The following MSH3 variants were observed in gnomAD, a reference collection of about 807,000 sequenced individuals.
MSH3 encodes mutS homolog 3.
MSH3 carries 106 observed loss-of-function variants against 123.3 expected under a neutral mutation model. The ratio of observed to expected loss-of-function variants is 0.86; its 90% confidence interval spans 0.73 to 1.01. The LOEUF (loss-of-function observed/expected upper bound fraction) is 1.01, where lower values mean the gene tolerates loss of function less well. MSH3 is among the 50% of genes least tolerant of loss of function. MSH3 has a pLI of 0.00. For missense variants in MSH3, 1,459 were observed against 1,347.6 expected (o/e 1.08, Z -1.29); for synonymous variants, 515 against 481.4 (o/e 1.07, Z -0.91).
chr5:80,723,422 G>C (rs892607988), intron 8 of MSH3, among the ~76,000 whole-genome samples: 2 of 152,144 alleles, frequency 1.3e-5, no homozygotes, highest in African/African-American at 2.4e-5. Flanking sequence ...GCTAATTGCT[G>C]CTTTGATCAT....
At chr5:80,738,855 G>A (rs753433704) in intron 10 of MSH3, among the ~76,000 whole-genome samples, 12 of 152,174 alleles carry the variant, frequency 7.9e-5, no homozygotes, top group East Asian at 1.9e-4. Context: ...AGGGCAGATC[G>A]TTTGTAAATG....
chr5:80,699,751 T>G (rs3958547), intron 8 of MSH3, among the ~76,000 whole-genome samples: 69,010 of 151,780 alleles, frequency 0.45, 15,783 homozygotes, highest in East Asian at 0.63. Flanking sequence ...TTTAAAAAAT[T>G]TTTTAATATC....
In MSH3 at chr5:80,718,386, G is replaced by A. The variant is rs149683122; in HGVS notation, c.1341-7067G>A. Among the ~76,000 whole-genome samples the A allele has an allele frequency of 3.8e-3, 581 of 152,234 alleles. 4 individuals are homozygous for A. The highest frequency in any genetic ancestry group is 0.013 in the African/African-American group (542 of 41,516). ...CCCCTTCTCAGCTCCCTGAGTAGCT[G>A]GGACTACAGGTGCATACCACTGTGT... On this transcript the variant is annotated intron_variant, in intron 8 of 23. Transcript: ENST00000265081.
At chr5:80,709,450 G>A (rs985936982) in intron 8 of MSH3, among the ~76,000 whole-genome samples, 3 of 152,062 alleles carry the variant, frequency 2.0e-5, no homozygotes, top group Non-Finnish European at 2.9e-5. Context: ...GTGAAACTCC[G>A]TCTCTACTAA....
intron 10 of MSH3, among the ~76,000 whole-genome samples, chr5:80,740,935 C>G (rs551359400): frequency 1.3e-5 from 2 of 152,002 alleles, no homozygotes; most frequent in African/African-American, 4.8e-5. Context: ...AGGCTGGTTT[C>G]GAACTCCTCA....
chr5:80,806,631 T>A (rs188543259), intron 19 of MSH3, among the ~76,000 whole-genome samples: 391 of 152,318 alleles, frequency 2.6e-3, no homozygotes, highest in Non-Finnish European at 4.1e-3. Flanking sequence ...TATAGCATTA[T>A]AATAACTTTT....
chr5:80,742,617 A>G (rs3797885), intron 11 of MSH3, among the ~76,000 whole-genome samples: 20,022 of 152,182 alleles, frequency 0.13, 1,855 homozygotes, highest in East Asian at 0.33. Context: ...TCTGCATATT[A>G]TTAACTAGTT....
Position 80,660,888 on chromosome 5 carries a change from C to T in MSH3, c.359-4255C>T, listed in dbSNP as rs530522406. Reference sequence around the variant, plus strand: ...TCTCAGCTGACTGCAACCTCTGCCCCGCCAAGTTTAAGCAATTCTCCTGCC... The same window carrying T: ...TCTCAGCTGACTGCAACCTCTGCCCTGCCAAGTTTAAGCAATTCTCCTGCC... On this transcript the variant is annotated intron_variant, in intron 2 of 23. Coordinates refer to ENST00000265081, the MANE Select transcript of MSH3 (RefSeq NM_002439.5). Among the ~76,000 whole-genome samples the T allele has an allele frequency of 2.6e-4, 40 of 152,172 alleles. No homozygotes were observed. The East Asian group carries it at 4.1e-3, about 15-fold the overall frequency.
At chr5:80,665,080 A>G (rs1317268026) in intron 2 of MSH3, 63 bp from the exon 3 acceptor site, 5 of 1,231,894 alleles carry the variant, frequency 4.1e-6, no homozygotes, top group Non-Finnish European at 5.9e-6. Context: ...TATGCTGGTT[A>G]TGAATTGACA....
intron 17 of MSH3, among the ~76,000 whole-genome samples, chr5:80,783,468 A>G (rs1027360051): frequency 6.6e-6 from 1 of 152,236 alleles, no homozygotes; most frequent in Non-Finnish European, 1.5e-5. Context: ...GGTTTATGAT[A>G]GTTTTTCATT....
At chr5:80,824,466 T>A (rs1745259572) in intron 20 of MSH3, among the ~76,000 whole-genome samples, 1 of 151,844 alleles carries the variant, frequency 6.6e-6, no homozygotes, top group East Asian at 2.0e-4. Flanking sequence ...CTCCCAGAAA[T>A]CTTAAGTTGG....
In MSH3 at chr5:80,744,564, T is replaced by C. The variant is rs1046367272; in HGVS notation, c.1712T>C (p.Phe571Ser). 1.9e-5 allele frequency: 30 copies of C among 1,613,842 alleles called. No individual in the cohort carries two copies. The highest frequency in any genetic ancestry group is 2.5e-5 in the Non-Finnish European group (30 of 1,179,946). ...GTTTTAGACCACACTAAAACTTCAT[T>C]TGGGAGACGGAAGTTAAAGAAGTGG... is the stretch of plus-strand genomic sequence containing the variant. ...LWVLDHTKTS[F>S]GRRKLKKWVT... The change falls in exon 12 of 24, where the codon TTT becomes TCT. Residue 571 changes from phenylalanine to serine, a missense_variant. Coordinates refer to ENST00000265081, the MANE Select transcript of MSH3 (RefSeq NM_002439.5).
intron 20 of MSH3, among the ~76,000 whole-genome samples, chr5:80,823,457 C>T (rs1338022421): frequency 2.6e-5 from 4 of 152,170 alleles, no homozygotes; most frequent in Non-Finnish European, 5.9e-5. Context: ...ATATATCAGA[C>T]CTTACTTGTC....
intron 10 of MSH3, 27 bp from the exon 11 acceptor site, chr5:80,741,437 G>T (rs956516369): frequency 7.1e-7 from 1 of 1,408,814 alleles, no homozygotes; most frequent in Non-Finnish European, 1.0e-6. Flanking sequence ...CTTACATCTA[G>T]GCTAATTATA....
At chr5:80,756,357 G>A (rs1000214600) in intron 12 of MSH3, among the ~76,000 whole-genome samples, 20 of 152,238 alleles carry the variant, frequency 1.3e-4, no homozygotes, top group South Asian at 6.2e-4. Context: ...AGCACAGGGT[G>A]GCAATGTCAG....
chr5:80,736,341 A>G (rs1743507113), intron 10 of MSH3, among the ~76,000 whole-genome samples: 1 of 151,988 alleles, frequency 6.6e-6, no homozygotes, highest in East Asian at 1.9e-4. Flanking sequence ...AAGATTGGAA[A>G]TGAGGTGATA....
At chr5:80,821,667 T>C (rs912424153) in intron 20 of MSH3, among the ~76,000 whole-genome samples, 1 of 152,244 alleles carries the variant, frequency 6.6e-6, no homozygotes, top group Non-Finnish European at 1.5e-5. Context: ...GTCATGTTTA[T>C]AGAAGCACTC....
intron 12 of MSH3, among the ~76,000 whole-genome samples, chr5:80,748,035 C>G (rs1423958407): frequency 6.6e-6 from 1 of 152,170 alleles, no homozygotes; most frequent in African/African-American, 2.4e-5. Context: ...AATATTCTGT[C>G]TCTGACATTG....
chr5:80,776,686 G>A (rs763699433), intron 16 of MSH3, among the ~76,000 whole-genome samples: 1 of 151,768 alleles, frequency 6.6e-6, no homozygotes, highest in Non-Finnish European at 1.5e-5. Context: ...GCTGTGAATA[G>A]TATCTTTTGT....
Sources: gnomAD v4.1 joint callset for allele counts (sites outside exome capture counted in the v4.1 genomes callset) on GRCh38, gnomAD v4.1.1 for gene constraint, MANE v1.5 for transcripts, NCBI Gene and HGNC (gene_info 2026-07-23, HGNC 2026-07-21) for gene names.